Variants in KDM4C observed in about 807,000 individuals in gnomAD.
KDM4C encodes the protein lysine demethylase 4C.
KDM4C carries 81 observed loss-of-function variants against 129.3 expected under a neutral mutation model. That is an observed-to-expected ratio of 0.63 (90% CI 0.52 to 0.75). The LOEUF is 0.75. Ranked by LOEUF, KDM4C falls within the 30% of genes least tolerant of loss-of-function variation. The pLI is 0.00. For missense variants in KDM4C, 1,457 were observed against 1,304.0 expected (o/e 1.12, Z -1.81); for synonymous variants, 573 against 456.1 (o/e 1.26, Z -3.26).
At chr9:6,725,420 A>G (rs1429155034) in intron 1 of KDM4C, among the ~76,000 whole-genome samples, 5 of 152,050 alleles carry the variant, frequency 3.3e-5, no homozygotes, top group Admixed American at 1.3e-4. Context: ...ATTGCCTTGT[A>G]TAATGTTTCT....
intron 5 of KDM4C, among the ~76,000 whole-genome samples, chr9:6,864,863 A>G (rs1841634798): frequency 6.6e-6 from 1 of 151,498 alleles, no homozygotes; most frequent in Non-Finnish European, 1.5e-5. Flanking sequence ...CCTGTCTTCA[A>G]GCTTACTGTT....
At chr9:6,855,461 A>T (rs895150996) in intron 5 of KDM4C, among the ~76,000 whole-genome samples, 4 of 91,250 alleles carry the variant, frequency 4.4e-5, no homozygotes, top group Non-Finnish European at 8.0e-5. Flanking sequence ...TCCGTCTCAA[A>T]AAAAAAAAAA....
chr9:6,975,379 A>T (rs903332411), intron 8 of KDM4C, among the ~76,000 whole-genome samples: 5 of 152,204 alleles, frequency 3.3e-5, no homozygotes, highest in African/African-American at 1.2e-4. Flanking sequence ...AGATGGAAAA[A>T]TGTGGCCATT....
At chr9:7,024,301 T>A (rs978803829) in intron 15 of KDM4C, among the ~76,000 whole-genome samples, 29 of 151,074 alleles carry the variant, frequency 1.9e-4, no homozygotes, top group African/African-American at 3.9e-4. Context: ...TTTTTTTTTT[T>A]AATTTTCTTT....
chr9:6,749,221 A>G (rs1295305183), intron 1 of KDM4C, among the ~76,000 whole-genome samples: 3 of 151,934 alleles, frequency 2.0e-5, no homozygotes, highest in South Asian at 2.1e-4. Flanking sequence ...GTTTCGCCAT[A>G]TTTGCCAGGC....
chr9:6,886,293 A>T (rs551168137), intron 6 of KDM4C, among the ~76,000 whole-genome samples: 41 of 150,660 alleles, frequency 2.7e-4, no homozygotes, highest in African/African-American at 8.2e-4. Flanking sequence ...AACATTTCTC[A>T]TGTTTTATTG....
At chr9:7,140,480 T>C (rs1328681001) in intron 19 of KDM4C, among the ~76,000 whole-genome samples, 1 of 152,230 alleles carries the variant, frequency 6.6e-6, no homozygotes, top group Non-Finnish European at 1.5e-5. Context: ...TCAAGTCCTC[T>C]TTCTTCTTAG....
chr9:6,955,476 A>G (rs10124531), intron 8 of KDM4C, among the ~76,000 whole-genome samples: 19,862 of 152,124 alleles, frequency 0.13, 3,174 homozygotes, highest in African/African-American at 0.38. Flanking sequence ...TTCCAAGAGC[A>G]GAGAAGGATG....
At chr9:6,870,084 ACTT>A (rs1375137052) in intron 5 of KDM4C, among the ~76,000 whole-genome samples, 2 of 152,208 alleles carry the variant, frequency 1.3e-5, no homozygotes, top group African/African-American at 2.4e-5. Flanking sequence ...TAAATTAACT[ACTT>A]CAGGAATTTT....
intron 19 of KDM4C, among the ~76,000 whole-genome samples, chr9:7,137,935 A>G (rs917629402): frequency 2.0e-5 from 3 of 152,236 alleles, no homozygotes; most frequent in African/African-American, 4.8e-5. Flanking sequence ...ATATATCCAG[A>G]AGAAGTCAGT....
At chr9:6,806,878 GTCTCCC>G (rs763666519) in intron 3 of KDM4C, among the ~76,000 whole-genome samples, 33,213 of 139,442 alleles carry the variant, frequency 0.24, 4,256 homozygotes, top group Non-Finnish European at 0.28. Context: ...CTCCGTCTCC[GTCTCCC>G]TCTCCCTCTC....
chr9:7,085,177 A>C (rs7849568), intron 17 of KDM4C, among the ~76,000 whole-genome samples: 85,407 of 152,060 alleles, frequency 0.56, 24,735 homozygotes, highest in African/African-American at 0.68. Flanking sequence ...AGGAAGGGGC[A>C]TTGGAGCCCT....
intron 8 of KDM4C, among the ~76,000 whole-genome samples, chr9:6,973,472 CAT>C (rs1304634079): frequency 3.3e-5 from 5 of 152,198 alleles, no homozygotes; most frequent in Non-Finnish European, 7.3e-5. Flanking sequence ...TGGCAGGAGA[CAT>C]GTAATCAGAG....
chr9:6,728,933 C>T (rs147175816), intron 1 of KDM4C, among the ~76,000 whole-genome samples: 89 of 151,486 alleles, frequency 5.9e-4, no homozygotes, highest in African/African-American at 2.0e-3. Flanking sequence ...AGGCTGGGCG[C>T]GGTGGTTCAC....
chr9:6,972,593 T>C (rs1380653830), intron 8 of KDM4C, among the ~76,000 whole-genome samples: 2 of 152,212 alleles, frequency 1.3e-5, no homozygotes, highest in Non-Finnish European at 2.9e-5. Context: ...TTAAACATTC[T>C]GGTATGTGTT....
At chr9:6,797,971 A>T (rs1318985698) in intron 2 of KDM4C, among the ~76,000 whole-genome samples, 3 of 152,194 alleles carry the variant, frequency 2.0e-5, no homozygotes, top group Non-Finnish European at 4.4e-5. Flanking sequence ...AAACATAAAG[A>T]TTTAACTTTG....
Position 6,996,493 on chromosome 9 carries a change from T to G in KDM4C, c.1786+5969T>G, listed in dbSNP as rs556453334. ...TTTTCAATAAAAAATTTCCAGCTTTTCCTACTGTTACTTCTAGTCTGCTCA... is the reference window on the plus strand; with the variant it reads ...TTTTCAATAAAAAATTTCCAGCTTTGCCTACTGTTACTTCTAGTCTGCTCA... On this transcript the variant is annotated intron_variant, in intron 12 of 21. Transcript: ENST00000381309. Among the ~76,000 whole-genome samples, 4 of 152,376 alleles carry G rather than the reference T, an allele frequency of 2.6e-5. No individual in the cohort carries two copies. In the South Asian group the frequency reaches 8.3e-4, roughly 32 times the overall value.
intron 1 of KDM4C, among the ~76,000 whole-genome samples, chr9:6,791,274 G>A (rs1041229632): frequency 6.6e-6 from 1 of 152,136 alleles, no homozygotes; most frequent in Non-Finnish European, 1.5e-5. Flanking sequence ...ACCACGCCCG[G>A]CTAATTTTTT....
At chr9:7,167,772 C>G (rs1285377697) in intron 20 of KDM4C, among the ~76,000 whole-genome samples, 2 of 152,316 alleles carry the variant, frequency 1.3e-5, no homozygotes, top group Admixed American at 1.3e-4. Context: ...GGTGTCTCAG[C>G]AAAGCTAGAC....
Sources: allele counts gnomAD v4.1 joint callset (sites outside exome capture counted in the v4.1 genomes callset), GRCh38; gene constraint gnomAD v4.1.1; transcripts MANE v1.5; gene names NCBI Gene and HGNC (gene_info 2026-07-23, HGNC 2026-07-21).